ANKRD44: variants seen among roughly 807,000 people sequenced by gnomAD.
The protein encoded by ANKRD44 is serine/threonine-protein phosphatase 6 regulatory ankyrin repeat subunit B.
A neutral mutation model predicts 116.0 loss-of-function variants in ANKRD44; 35 were observed. The observed-to-expected ratio is 0.30, with a 90% CI of 0.23 to 0.40. The LOEUF (loss-of-function observed/expected upper bound fraction) is 0.40. ANKRD44 is among the 10% of genes least tolerant of loss of function. ANKRD44 has a pLI of 1.00. For missense variants in ANKRD44, 1,014 were observed against 1,242.6 expected, an observed-to-expected ratio of 0.82 and a Z score of 2.77; for synonymous variants, 435 against 461.8, an observed-to-expected ratio of 0.94 and a Z score of 0.74.
chr2:197,198,137 T>C (rs1183604621), intron 1 of ANKRD44: 2 of 152,138 alleles, frequency 1.3e-5, no homozygotes, highest in Non-Finnish European at 2.9e-5. Flanking sequence ...GAGCAGAAGC[T>C]AGGGAGCCTG....
chr2:197,042,077 T>C (rs1485553658), intron 16 of ANKRD44, among the ~76,000 whole-genome samples: 3 of 152,164 alleles, frequency 2.0e-5, no homozygotes, highest in Non-Finnish European at 1.5e-5. Context: ...AAAATCATAA[T>C]ATAACTTTAT....
chr2:197,117,369 C>A (rs113106874), intron 8 of ANKRD44, among the ~76,000 whole-genome samples: 1 of 152,076 alleles, frequency 6.6e-6, no homozygotes, highest in African/African-American at 2.4e-5. Flanking sequence ...CCTCCTGTGT[C>A]GCTGGGATTA....
intron 23 of ANKRD44, among the ~76,000 whole-genome samples, chr2:196,999,510 A>C (rs1284903070): frequency 2.0e-5 from 3 of 152,014 alleles, no homozygotes; most frequent in African/African-American, 7.2e-5. Flanking sequence ...TTAACCAAGA[A>C]ATCCACTTCT....
chr2:197,147,201 A>G, intron 2 of ANKRD44, 96 bp from the exon 3 acceptor site: 4 of 977,712 alleles, frequency 4.1e-6, no homozygotes, highest in Non-Finnish European at 4.8e-6. Flanking sequence ...TCTGTGGTTA[A>G]TGCATGTGGA....
chr2:197,003,416 G>T (rs1245822906), intron 21 of ANKRD44, among the ~76,000 whole-genome samples: 3 of 152,108 alleles, frequency 2.0e-5, no homozygotes, highest in African/African-American at 4.8e-5. Flanking sequence ...TCTTCCAAAG[G>T]ATCTAGCTTA....
intron 1 of ANKRD44, among the ~76,000 whole-genome samples, chr2:197,273,999 A>C (rs1407292282): frequency 2.5e-4 from 16 of 65,236 alleles, no homozygotes; most frequent in African/African-American, 9.8e-4. Flanking sequence ...ATATATATAT[A>C]TATATATATA....
At chr2:197,245,170 G>A (rs560023119) in intron 1 of ANKRD44, among the ~76,000 whole-genome samples, 114 of 152,222 alleles carry the variant, frequency 7.5e-4, no homozygotes, top group Non-Finnish European at 1.1e-3. Flanking sequence ...TGAGAGAGGA[G>A]AATCACTTGA....
At chr2:197,260,287 T>C (rs192862067) in intron 1 of ANKRD44, among the ~76,000 whole-genome samples, 4 of 152,088 alleles carry the variant, frequency 2.6e-5, no homozygotes, top group African/African-American at 7.2e-5. Flanking sequence ...CCTGTGTCCA[T>C]GTGTTCTCAT....
At chr2:197,297,688 G>A (rs1559230293) in intron 1 of ANKRD44, among the ~76,000 whole-genome samples, 1 of 152,054 alleles carries the variant, frequency 6.6e-6, no homozygotes, top group Admixed American at 6.5e-5. Flanking sequence ...CAACTCACAC[G>A]GAGCATTTTT....
chr2:197,095,657 G>A (rs2078144481), intron 10 of ANKRD44, among the ~76,000 whole-genome samples: 1 of 152,192 alleles, frequency 6.6e-6, no homozygotes, highest in African/African-American at 2.4e-5. Flanking sequence ...CCAGTAGACT[G>A]AAGATGAGTC....
intron 2 of ANKRD44, among the ~76,000 whole-genome samples, chr2:197,184,780 C>A (rs1192181624): frequency 1.3e-5 from 2 of 152,000 alleles, no homozygotes; most frequent in Non-Finnish European, 2.9e-5. Flanking sequence ...TGGAAAAGGA[C>A]CACCCCTCTA....
chr2:197,273,980 A>AAAAATATATATAT (rs1553546147), intron 1 of ANKRD44, among the ~76,000 whole-genome samples: 2 of 43,926 alleles, frequency 4.6e-5, no homozygotes, highest in African/African-American at 1.0e-4. Flanking sequence ...AAAAAAAAAA[A>AAAAATATATATAT]ATATATATAT....
intron 2 of ANKRD44, among the ~76,000 whole-genome samples, chr2:197,171,150 C>T (rs73991235): frequency 0.057 from 8,650 of 152,262 alleles, 821 homozygotes; most frequent in African/African-American, 0.2. Flanking sequence ...TATAATCAGA[C>T]ATCTGAACCA....
intron 2 of ANKRD44, among the ~76,000 whole-genome samples, chr2:197,181,431 G>A (rs555845495): frequency 7.6e-4 from 115 of 152,276 alleles, no homozygotes; most frequent in African/African-American, 2.5e-3. Flanking sequence ...TAAACATCAT[G>A]GATTTGCTAT....
chr2:197,278,843 G>A (rs1026295269), intron 1 of ANKRD44, among the ~76,000 whole-genome samples: 1 of 152,200 alleles, frequency 6.6e-6, no homozygotes, highest in Non-Finnish European at 1.5e-5. Context: ...TTTTCGCTTT[G>A]GAAACATTTG....
At chr2:197,205,855 T>C (rs954656783) in intron 1 of ANKRD44, among the ~76,000 whole-genome samples, 2 of 152,044 alleles carry the variant, frequency 1.3e-5, no homozygotes, top group African/African-American at 4.8e-5. Context: ...AAGAGATTCC[T>C]AGGTGAAGGT....
At chr2:197,042,500 A>G (rs1462309379) in intron 16 of ANKRD44, among the ~76,000 whole-genome samples, 1 of 122,134 alleles carries the variant, frequency 8.2e-6, no homozygotes, top group South Asian at 2.5e-4. Flanking sequence ...CTCCACTACT[A>G]AAAAAAAAAA....
intron 5 of ANKRD44, 26 bp downstream of exon 5, chr2:197,125,811 C>T (rs781059555): frequency 1.2e-6 from 2 of 1,611,506 alleles, no homozygotes; most frequent in East Asian, 2.2e-5. Flanking sequence ...GGGAGCGTTC[C>T]AATTCTGAAT....
In ANKRD44 at chr2:196,989,551, T is replaced by C. The variant is rs921457365; in HGVS notation, c.*40A>G. On this transcript the variant is annotated 3_prime_UTR_variant, in exon 28 of 28. Transcript: ENST00000282272. Reference sequence around the variant, plus strand: ...ATATATATATATACACACGCACACATATATGTGTGCATGTGTATGTGCATA... The same window carrying C: ...ATATATATATATACACACGCACACACATATGTGTGCATGTGTATGTGCATA... The C allele has an allele frequency of 1.3e-6, 2 of 1,545,516 alleles. No individual in the cohort carries two copies. The highest frequency in any genetic ancestry group is 8.7e-7 in the Non-Finnish European group (1 of 1,144,122).
Sources: gnomAD v4.1 joint callset for allele counts (sites outside exome capture counted in the v4.1 genomes callset) on GRCh38, gnomAD v4.1.1 for gene constraint, MANE v1.5 for transcripts, NCBI Gene and HGNC (gene_info 2026-07-23, HGNC 2026-07-21) for gene names.